The following ZDHHC23 variants were observed in gnomAD, a reference collection of about 807,000 sequenced individuals.
ZDHHC23 encodes palmitoyltransferase ZDHHC23.
A neutral mutation model predicts 40.2 loss-of-function variants in ZDHHC23; 41 were observed. That is an observed-to-expected ratio of 1.02 (90% CI 0.79 to 1.32). ZDHHC23 has a LOEUF of 1.32. Among genes scored for constraint, ZDHHC23 ranks in the 40% most tolerant of loss-of-function variants. ZDHHC23 has a pLI of 0.00. For synonymous variants in ZDHHC23, 204 were observed against 210.2 expected (o/e 0.97, Z 0.26); for missense variants, 471 against 541.5 (o/e 0.87, Z 1.29).
Position 113,960,877 on chromosome 3 carries a change from TC to T in ZDHHC23, c.*2248del. ...CTTAAACCTGTCAAAAGATGAGTGA[TC>T]TTGTGTGGGAAAAGCCTTCCCAGGC... On this transcript the variant is annotated 3_prime_UTR_variant, in exon 5 of 5. Transcript: ENST00000638807. 7.4e-7 allele frequency: 1 copy of T among 1,350,204 alleles called. No individual in the cohort carries two copies. The highest frequency in any genetic ancestry group is 9.8e-7 in the Non-Finnish European group (1 of 1,022,234). 83.6% of individuals were successfully genotyped at this position (1,350,204 alleles called of 1,614,324 possible). A position where few individuals can be genotyped will look rare whatever the true frequency, so the allele number is the denominator to read the frequency against.
At chr3:113,974,104 C>A in the ZDHHC23 span, among the ~76,000 whole-genome samples, 2 of 151,778 alleles carry the variant, frequency 1.3e-5, no homozygotes, top group East Asian at 3.9e-4. Context: ...AAATATATTT[C>A]TCAGTTCCAA....
Position 113,948,135 on chromosome 3 carries a change from C to G in ZDHHC23, c.-173C>G, listed in dbSNP as rs554604617. 2.0e-5 allele frequency: 3 copies of G among 152,230 alleles called. No individual in the cohort carries two copies. Among genetic ancestry groups the G allele is most frequent in the African/African-American group, 7.2e-5 (3 of 41,428 alleles). The allele number at this position is 152,230 out of a possible 1,614,324, so 9.4% of individuals were successfully genotyped here. ...GACGCGTCTGTGCCTCCGGGGAAGC[C>G]GACCCATCTCCCCTCCGCCTCTTTG... On this transcript the variant is annotated 5_prime_UTR_variant, in exon 1 of 5. Transcript: ENST00000638807.
chr3:113,959,825 T>C lies in ZDHHC23; in HGVS notation c.*1195T>C. On this transcript the variant is annotated 3_prime_UTR_variant, in exon 5 of 5. Transcript: ENST00000638807. ...ACTAAGAGAGAAGAAACAGGGTATA[T>C]GTGGTTTCCACTATTAATGGATTAC... 5 of 1,035,576 alleles carry C rather than the reference T, an allele frequency of 4.8e-6. No homozygotes were observed. Among genetic ancestry groups the C allele is most frequent in the Non-Finnish European group, 5.9e-6 (5 of 854,676 alleles). The allele number at this position is 1,035,576 out of a possible 1,614,324, so 64.1% of individuals were successfully genotyped here. A position where few individuals can be genotyped will look rare whatever the true frequency, so the allele number is the denominator to read the frequency against.
the ZDHHC23 span, chr3:113,978,754 C>T: frequency 7.9e-7 from 1 of 1,273,832 alleles, no homozygotes; most frequent in Admixed American, 2.2e-5. Flanking sequence ...CTCTTTTGTT[C>T]TTGAAAAAAC....
Position 113,956,490 on chromosome 3 carries a change from G to A in ZDHHC23, c.1024G>A (p.Val342Ile). ...VFTALFYCPG[V>I]YANYSSALSF... Reference sequence around the variant, plus strand: ...CACAGCTCTTTTCTATTGTCCTGGAGTTTATGCAAATTACAGGTGAGCAGT... The same window carrying A: ...CACAGCTCTTTTCTATTGTCCTGGAATTTATGCAAATTACAGGTGAGCAGT... Residue 342 changes from valine (V) to isoleucine (I), a missense_variant, in exon 4 of 5, where the codon GTT becomes ATT. Val to Ile is a conservative substitution (Grantham distance 29, BLOSUM62 3). This residue lies in a region of ZDHHC23 where 346 missense variants were observed against 399.8 expected (regional missense o/e 0.87). Coordinates refer to ENST00000638807, the MANE Select transcript of ZDHHC23 (RefSeq NM_001320466.2). 1 of 1,613,246 alleles carries A rather than the reference G, an allele frequency of 6.2e-7. No individual in the cohort carries two copies. The highest frequency in any genetic ancestry group is 1.1e-5 in the South Asian group (1 of 90,674).
In ZDHHC23 at chr3:113,948,173, C is replaced by T. The variant is rs1161083242; in HGVS notation, c.-135C>T. The T allele has an allele frequency of 2.6e-5, 4 of 152,330 alleles. No individual in the cohort carries two copies. The highest frequency in any genetic ancestry group is 4.8e-5 in the African/African-American group (2 of 41,438). The allele number at this position is 152,330 out of a possible 1,614,324, so 9.4% of individuals were successfully genotyped here. On this transcript the variant is annotated 5_prime_UTR_variant, in exon 1 of 5. Coordinates refer to ENST00000638807, the MANE Select transcript of ZDHHC23 (RefSeq NM_001320466.2). Reference sequence around the variant, plus strand: ...CTCCGCCTCTTTGGCTGCAGTTGCACCTCCGGCCAGAGGGCAGGTAACTTC... The same window carrying T: ...CTCCGCCTCTTTGGCTGCAGTTGCATCTCCGGCCAGAGGGCAGGTAACTTC...
At chr3:113,953,394 G>T (rs7637768) in intron 2 of ZDHHC23, among the ~76,000 whole-genome samples, 2,531 of 152,256 alleles carry the variant, frequency 0.017, 71 homozygotes, top group African/African-American at 0.058. Flanking sequence ...TAACTAGATT[G>T]TGATTTGTTT....
Position 113,953,877 on chromosome 3 carries a change from G to A in ZDHHC23, c.339G>A (p.Gly113=). The change falls in exon 3 of 5, where the codon GGG becomes GGA. Residue 113 remains glycine, a synonymous_variant. Transcript: ENST00000638807. ...LHVASWHFLL[G]VVVLTSLPVL... is the part of the protein sequence containing the mutation. ...TGGCTTCCTGGCATTTCCTCCTGGG[G>A]GTGGTGGTTTTGACCTCCCTTCCTG... The A allele has an allele frequency of 6.2e-7, 1 of 1,614,106 alleles. No individual in the cohort carries two copies. Among genetic ancestry groups the A allele is most frequent in the South Asian group, 1.1e-5 (1 of 91,066 alleles).
chr3:113,966,129 C>T (rs1392523063), downstream of ZDHHC23, among the ~76,000 whole-genome samples: 1 of 152,156 alleles, frequency 6.6e-6, no homozygotes, highest in Non-Finnish European at 1.5e-5. Context: ...AAGTTACAGG[C>T]ATTGAGGCCT....
In ZDHHC23 at chr3:113,954,047, A is replaced by G; in HGVS notation, c.509A>G (p.Gln170Arg). 6.2e-7 allele frequency: 1 copy of G among 1,614,174 alleles called. No individual in the cohort carries two copies. The highest frequency in any genetic ancestry group is 8.5e-7 in the Non-Finnish European group (1 of 1,180,018). The part of the protein sequence containing the change: ...VVPKGRVGPV[Q>R]LAVLTCGLFL... ...CCCAAAGGGCGTGTGGGTCCCGTTC[A>G]GCTGGCGGTTCTTACCTGCGGGTTA... is the stretch of plus-strand genomic sequence containing the variant. The change falls in exon 3 of 5, where the codon CAG becomes CGG. Residue 170 changes from glutamine (Q) to arginine (R), a missense_variant. This residue lies in a region of ZDHHC23 where 346 missense variants were observed against 399.8 expected (regional missense o/e 0.87). Transcript: ENST00000638807.
At chr3:113,956,625 A>G (rs1192533138) in intron 4 of ZDHHC23, 119 bp downstream of exon 4, 1 of 1,060,046 alleles carries the variant, frequency 9.4e-7, no homozygotes, top group African/African-American at 1.6e-5. Flanking sequence ...GGCTATGGAA[A>G]TGCTGGGTAT....
chr3:113,977,607 G>A, the ZDHHC23 span, among the ~76,000 whole-genome samples: 1 of 152,116 alleles, frequency 6.6e-6, no homozygotes, highest in South Asian at 2.1e-4. Context: ...CTATAGCATT[G>A]AAGGCTGCAT....
the ZDHHC23 span, chr3:113,978,146 G>T: frequency 6.2e-7 from 1 of 1,607,666 alleles, no homozygotes; most frequent in Non-Finnish European, 8.5e-7. Context: ...GAGCAATTGT[G>T]AAGTCAGAGA....
At chr3:113,952,093 C>T (rs1469563120) in intron 2 of ZDHHC23, among the ~76,000 whole-genome samples, 8 of 151,928 alleles carry the variant, frequency 5.3e-5, no homozygotes, top group Non-Finnish European at 1.0e-4. Flanking sequence ...GCTGAGATCG[C>T]GCCATTGCAC....
chr3:113,975,617 G>A, the ZDHHC23 span, among the ~76,000 whole-genome samples: 1 of 152,192 alleles, frequency 6.6e-6, no homozygotes, highest in Non-Finnish European at 1.5e-5. Context: ...TATACTTTCA[G>A]AGAGTCTTAA....
intron 2 of ZDHHC23, among the ~76,000 whole-genome samples, chr3:113,950,358 A>C (rs1416648035): frequency 6.6e-6 from 1 of 152,182 alleles, no homozygotes; most frequent in East Asian, 1.9e-4. Flanking sequence ...GAGGCTCAGA[A>C]ATCCAAGATC....
Position 113,960,798 on chromosome 3 carries a change from G to A in ZDHHC23, c.*2168G>A, listed in dbSNP as rs1939629406. 1 of 1,496,802 alleles carries A rather than the reference G, an allele frequency of 6.7e-7. No homozygotes were observed. The highest frequency in any genetic ancestry group is 1.4e-5 in the South Asian group (1 of 72,216). The allele number at this position is 1,496,802 out of a possible 1,614,324, so 92.7% of individuals were successfully genotyped here. A position where few individuals can be genotyped will look rare whatever the true frequency, so the allele number is the denominator to read the frequency against. ...GTGTATTATTCAGGTTTATTGGCAC[G>A]AAGATACTTGTTTTAAGTTCCTTGA... On this transcript the variant is annotated 3_prime_UTR_variant, in exon 5 of 5. Coordinates refer to ENST00000638807, the MANE Select transcript of ZDHHC23 (RefSeq NM_001320466.2).
Position 113,963,079 on chromosome 3 carries a change from T to C in ZDHHC23, c.*4449T>C, listed in dbSNP as rs1341014755. On this transcript the variant is annotated 3_prime_UTR_variant, in exon 5 of 5. Coordinates refer to ENST00000638807, the MANE Select transcript of ZDHHC23 (RefSeq NM_001320466.2). ...CTCTGTGGCTCCCTCAATGTCTCTA[T>C]CCTGTGGCCCTGTCCCTAGCCCTAA... The C allele has an allele frequency of 6.6e-6, 1 of 152,162 alleles. No homozygotes were observed. Among genetic ancestry groups the C allele is most frequent in the Non-Finnish European group, 1.5e-5 (1 of 68,050 alleles). The allele number at this position is 152,162 out of a possible 1,614,324, so 9.4% of individuals were successfully genotyped here. A position where few individuals can be genotyped will look rare whatever the true frequency, so the allele number is the denominator to read the frequency against.
intron 4 of ZDHHC23, 121 bp from the exon 5 acceptor site, chr3:113,958,242 G>A (rs1049194794): frequency 3.6e-6 from 3 of 831,672 alleles, no homozygotes; most frequent in Non-Finnish European, 5.8e-6. Context: ...CAGTTCGGAG[G>A]GTTGGGGAAG....
Sources: allele counts gnomAD v4.1 joint callset (sites outside exome capture counted in the v4.1 genomes callset), GRCh38; gene constraint gnomAD v4.1.1; regional missense constraint gnomAD v4.1.1; transcripts MANE v1.5; gene names NCBI Gene and HGNC (gene_info 2026-07-23, HGNC 2026-07-21).